The following NDST4 variants were observed in gnomAD, a reference collection of about 807,000 sequenced individuals.
NDST4 encodes the protein N-deacetylase and N-sulfotransferase 4, also known as N-heparan sulfate sulfotransferase 4.
A neutral mutation model predicts 100.8 loss-of-function variants in NDST4; 63 were observed. The observed-to-expected ratio is 0.62, with a 90% CI of 0.51 to 0.77. The LOEUF (loss-of-function observed/expected upper bound fraction) is 0.77. Among genes scored for constraint, NDST4 ranks in the 30% least tolerant of loss-of-function variants. The pLI is 0.00. For synonymous variants in NDST4, 377 were observed against 361.8 expected (o/e 1.04, Z -0.48); for missense variants, 943 against 1,018.4 (o/e 0.93, Z 1.01).
intron 2 of NDST4, among the ~76,000 whole-genome samples, chr4:115,032,404 T>C (rs1008005033): frequency 3.3e-5 from 5 of 152,098 alleles, no homozygotes; most frequent in East Asian, 3.9e-4. Flanking sequence ...CTTTCTCTGA[T>C]AGCTTAATTA....
intron 2 of NDST4, among the ~76,000 whole-genome samples, chr4:115,006,423 A>C (rs1379420297): frequency 6.6e-6 from 1 of 152,166 alleles, no homozygotes; most frequent in African/African-American, 2.4e-5. Flanking sequence ...AAATAATTTA[A>C]AAAAACTGGA....
At chr4:114,944,810 G>A (rs1725825046) in intron 4 of NDST4, among the ~76,000 whole-genome samples, 1 of 152,130 alleles carries the variant, frequency 6.6e-6, no homozygotes, top group Non-Finnish European at 1.5e-5. Context: ...TCACATGCGG[G>A]GGTAGAAGAA....
At chr4:115,047,477 C>G (rs911484780) in intron 2 of NDST4, among the ~76,000 whole-genome samples, 1 of 151,970 alleles carries the variant, frequency 6.6e-6, no homozygotes, top group Non-Finnish European at 1.5e-5. Context: ...ATGAAAATAG[C>G]ATATATATTT....
At chr4:115,095,662 T>A (rs1041094556) in intron 1 of NDST4, among the ~76,000 whole-genome samples, 1 of 152,146 alleles carries the variant, frequency 6.6e-6, no homozygotes, top group Non-Finnish European at 1.5e-5. Flanking sequence ...GAAAATCTTA[T>A]CTTTTAGAAA....
At chr4:115,093,118 A>G (rs1729550987) in intron 1 of NDST4, among the ~76,000 whole-genome samples, 1 of 152,170 alleles carries the variant, frequency 6.6e-6, no homozygotes, top group Non-Finnish European at 1.5e-5. Context: ...CTACAATAAA[A>G]CATTTATAAA....
Position 114,832,432 on chromosome 4 carries a change from G to T in NDST4, c.2396+1174C>A, listed in dbSNP as rs369989576. On this transcript the variant is annotated intron_variant, in intron 12 of 13. Coordinates refer to ENST00000264363, the MANE Select transcript of NDST4 (RefSeq NM_022569.3). ...ATTTTGTCAAAATTTCACAGGTTTT[G>T]TATCAGACCTTGTGGGAGAGGCTTT... Among the ~76,000 whole-genome samples, 924 of 152,298 alleles carry T rather than the reference G, an allele frequency of 6.1e-3. 82 individuals carry two copies. In the South Asian group the frequency reaches 0.17, roughly 28 times the overall value.
intron 10 of NDST4, among the ~76,000 whole-genome samples, chr4:114,841,653 A>G (rs780863000): frequency 4.6e-5 from 7 of 152,226 alleles, no homozygotes; most frequent in African/African-American, 9.6e-5. Flanking sequence ...ATTTTCCTCA[A>G]TTGCTTAAAT....
chr4:115,091,896 C>T (rs769672243), intron 1 of NDST4, among the ~76,000 whole-genome samples: 1 of 152,002 alleles, frequency 6.6e-6, no homozygotes, highest in Admixed American at 6.6e-5. Context: ...ACTAACAAAC[C>T]TTTGGTAACT....
chr4:114,937,907 A>G (rs1323467063), intron 4 of NDST4, among the ~76,000 whole-genome samples: 3 of 151,950 alleles, frequency 2.0e-5, no homozygotes, highest in East Asian at 1.9e-4. Context: ...GCGGGTATTG[A>G]AGAAAATCAG....
chr4:115,046,266 C>A (rs914238045), intron 2 of NDST4, among the ~76,000 whole-genome samples: 1 of 152,090 alleles, frequency 6.6e-6, no homozygotes, highest in Admixed American at 6.6e-5. Context: ...TCTTCCTCAA[C>A]CAATCTCTTG....
rs1164211002 is a variant in NDST4 at position 114,951,605 on chromosome 4, C to T, written c.1222-14102G>A. 3.3e-5 allele frequency among the ~76,000 whole-genome samples: 5 copies of T among 152,098 alleles called. No individual in the cohort carries two copies. In the East Asian group the frequency reaches 9.6e-4, roughly 29 times the overall value. ...AAACATGTACACACAATATCCAATC[C>T]TCATAAAAACCTTTGGGGTAGGAAC... On this transcript the variant is annotated intron_variant, in intron 4 of 13. Transcript: ENST00000264363.
At chr4:114,977,725 A>G (rs1477357787) in intron 2 of NDST4, among the ~76,000 whole-genome samples, 1 of 151,930 alleles carries the variant, frequency 6.6e-6, no homozygotes, top group East Asian at 1.9e-4. Flanking sequence ...CTCCCTCATC[A>G]TTTTTAAAGG....
intron 1 of NDST4, among the ~76,000 whole-genome samples, chr4:115,092,669 T>C (rs1729542575): frequency 6.6e-6 from 1 of 152,166 alleles, no homozygotes; most frequent in Non-Finnish European, 1.5e-5. Context: ...ATTGGTAAGT[T>C]AAGGGTGTAT....
At chr4:115,043,761 C>T (rs1035523145) in intron 2 of NDST4, among the ~76,000 whole-genome samples, 4 of 151,808 alleles carry the variant, frequency 2.6e-5, no homozygotes, top group African/African-American at 9.7e-5. Flanking sequence ...AATAAGATGC[C>T]TAAAATGCTT....
At chr4:114,914,499 C>T (rs1187792243) in intron 6 of NDST4, among the ~76,000 whole-genome samples, 2 of 151,986 alleles carry the variant, frequency 1.3e-5, no homozygotes, top group African/African-American at 4.8e-5. Context: ...ATGTTAGATA[C>T]CACTGCATTA....
At chr4:115,078,285 G>C (rs969706650) in intron 1 of NDST4, among the ~76,000 whole-genome samples, 6 of 152,122 alleles carry the variant, frequency 3.9e-5, no homozygotes, top group Admixed American at 6.6e-5. Flanking sequence ...ATCTCACATG[G>C]TGGAAGCAGG....
At chr4:115,102,350 TAA>T (rs1187080201) in intron 1 of NDST4, among the ~76,000 whole-genome samples, 1 of 152,138 alleles carries the variant, frequency 6.6e-6, no homozygotes, top group Admixed American at 6.6e-5. Context: ...GACTTATGCA[TAA>T]ATAAAGGAGA....
chr4:114,856,520 T>C (rs1258689501), intron 7 of NDST4, among the ~76,000 whole-genome samples: 1 of 152,230 alleles, frequency 6.6e-6, no homozygotes, highest in African/African-American at 2.4e-5. Flanking sequence ...ATGATTCTTT[T>C]AACCATTTTG....
intron 9 of NDST4, among the ~76,000 whole-genome samples, chr4:114,847,213 G>A (rs998951148): frequency 1.4e-5 from 2 of 140,360 alleles, no homozygotes; most frequent in Non-Finnish European, 1.5e-5. Flanking sequence ...CGTCTCTACT[G>A]AAAATACAAA....
Sources: gnomAD v4.1 joint callset for allele counts (sites outside exome capture counted in the v4.1 genomes callset) on GRCh38, gnomAD v4.1.1 for gene constraint, MANE v1.5 for transcripts, NCBI Gene and HGNC (gene_info 2026-07-23, HGNC 2026-07-21) for gene names.